FMNL2: variants seen among roughly 807,000 people sequenced by gnomAD.
FMNL2 encodes the protein formin-like protein 2.
In FMNL2, 51 loss-of-function variants were observed where a neutral mutation model predicts 130.2. That is an observed-to-expected ratio of 0.39 (90% confidence interval 0.31 to 0.49). The LOEUF (loss-of-function observed/expected upper bound fraction) is 0.49. Ranked by LOEUF, FMNL2 falls within the 20% of genes least tolerant of loss-of-function variation. FMNL2 has a pLI of 0.85. For missense variants in FMNL2, 977 were observed against 1,316.2 expected (o/e 0.74, Z 3.99); for synonymous variants, 465 against 467.1 (o/e 1.00, Z 0.06).
intron 9 of FMNL2, among the ~76,000 whole-genome samples, chr2:152,599,141 T>G (rs1490850776): frequency 2.0e-5 from 3 of 152,216 alleles, no homozygotes. Context: ...GAGAGGGACG[T>G]CTTCTTTACT....
At chr2:152,503,867 G>A (rs1021984155) in intron 1 of FMNL2, among the ~76,000 whole-genome samples, 3 of 152,152 alleles carry the variant, frequency 2.0e-5, no homozygotes, top group African/African-American at 7.2e-5. Flanking sequence ...CTTGCTTCAG[G>A]TGGGGGAACT....
intron 1 of FMNL2, among the ~76,000 whole-genome samples, chr2:152,388,378 G>A (rs968738478): frequency 1.3e-5 from 2 of 152,090 alleles, no homozygotes; most frequent in African/African-American, 4.8e-5. Context: ...TGGTGGAAGG[G>A]GAAGCAAACG....
At chr2:152,630,846 A>G (rs1262924411) in intron 20 of FMNL2, among the ~76,000 whole-genome samples, 1 of 152,166 alleles carries the variant, frequency 6.6e-6, no homozygotes, top group East Asian at 1.9e-4. Flanking sequence ...TACTTTGAAG[A>G]GCACTAAAAT....
intron 1 of FMNL2, among the ~76,000 whole-genome samples, chr2:152,426,504 A>G (rs1687211020): frequency 6.6e-6 from 1 of 152,224 alleles, no homozygotes; most frequent in Non-Finnish European, 1.5e-5. Flanking sequence ...GTTCTTGAAA[A>G]TTCATCTCAC....
intron 4 of FMNL2, among the ~76,000 whole-genome samples, chr2:152,556,060 T>G (rs1695186032): frequency 6.6e-6 from 1 of 152,226 alleles, no homozygotes; most frequent in Non-Finnish European, 1.5e-5. Context: ...CTGTAGAAGT[T>G]CACTTTCAAC....
At chr2:152,623,816 T>A (rs1241901302) in intron 15 of FMNL2, among the ~76,000 whole-genome samples, 2 of 151,862 alleles carry the variant, frequency 1.3e-5, no homozygotes, top group African/African-American at 4.8e-5. Flanking sequence ...TTTAAATGGA[T>A]TACCTTTTTT....
intron 15 of FMNL2, 150 bp downstream of exon 15, chr2:152,619,868 G>C (rs1699158745): frequency 1.4e-6 from 2 of 1,439,970 alleles, no homozygotes; most frequent in East Asian, 2.5e-5. Context: ...AGCCGATAGA[G>C]GGAACATCAT....
chr2:152,637,184 G>A (rs1408821596), intron 22 of FMNL2, among the ~76,000 whole-genome samples: 2 of 152,174 alleles, frequency 1.3e-5, no homozygotes, highest in Non-Finnish European at 2.9e-5. Flanking sequence ...GTGGAATTTA[G>A]GGTCAGAGTG....
At chr2:152,430,300 C>G (rs1021734381) in intron 1 of FMNL2, among the ~76,000 whole-genome samples, 14 of 152,172 alleles carry the variant, frequency 9.2e-5, no homozygotes, top group Non-Finnish European at 1.9e-4. Context: ...TTGTCTCTTC[C>G]TTGACAGACA....
At chr2:152,440,676 G>A (rs1234569588) in intron 1 of FMNL2, among the ~76,000 whole-genome samples, 3 of 152,216 alleles carry the variant, frequency 2.0e-5, no homozygotes, top group Non-Finnish European at 4.4e-5. Flanking sequence ...AGTTGTTACA[G>A]GTAGAGGCAT....
In FMNL2 at chr2:152,402,103, C is replaced by T. The variant is rs58592119; in HGVS notation, c.117+66383C>T. On this transcript the variant is annotated intron_variant, in intron 1 of 25. Transcript: ENST00000288670. Reference sequence around the variant, plus strand: ...ATTTTTAGTAGAGACAGGGTTTCACCATGTTAGCCAGGATGGTCTCGATCT... The same window carrying T: ...ATTTTTAGTAGAGACAGGGTTTCACTATGTTAGCCAGGATGGTCTCGATCT... Among the ~76,000 whole-genome samples the T allele has an allele frequency of 0.045, 6,791 of 151,882 alleles. 876 individuals carry two copies. In the East Asian group the frequency reaches 0.52, roughly 12 times the overall value.
chr2:152,421,573 GCCTCCCAAAAT>G (rs1425020370), intron 1 of FMNL2, among the ~76,000 whole-genome samples: 1 of 152,152 alleles, frequency 6.6e-6, no homozygotes, highest in Non-Finnish European at 1.5e-5. Flanking sequence ...TGTATATTCT[GCCTCCCAAAAT>G]CCTCCTCATG....
At chr2:152,494,797 A>T (rs1005895359) in intron 1 of FMNL2, among the ~76,000 whole-genome samples, 1 of 152,172 alleles carries the variant, frequency 6.6e-6, no homozygotes, top group African/African-American at 2.4e-5. Flanking sequence ...CTGGGTTATC[A>T]GCCTGTTTAG....
At chr2:152,367,582 A>G (rs1683632119) in intron 1 of FMNL2, among the ~76,000 whole-genome samples, 1 of 152,140 alleles carries the variant, frequency 6.6e-6, no homozygotes, top group South Asian at 2.1e-4. Flanking sequence ...AATTTGTAGA[A>G]CAGGTTGAAA....
intron 2 of FMNL2, among the ~76,000 whole-genome samples, chr2:152,523,208 A>C (rs1693198618): frequency 6.6e-6 from 1 of 152,224 alleles, no homozygotes; most frequent in South Asian, 2.1e-4. Context: ...GTGAGGACTT[A>C]TGGAGAAATT....
chr2:152,501,982 T>C (rs990141730), intron 1 of FMNL2, among the ~76,000 whole-genome samples: 5 of 152,264 alleles, frequency 3.3e-5, no homozygotes, highest in African/African-American at 1.2e-4. Flanking sequence ...TTCACTGTTA[T>C]GCCCTGTCAT....
At chr2:152,593,340 A>G (rs570935976) in intron 9 of FMNL2, among the ~76,000 whole-genome samples, 1 of 152,130 alleles carries the variant, frequency 6.6e-6, no homozygotes, top group South Asian at 2.1e-4. Context: ...AATACTTTAC[A>G]GTTTAGAAAA....
chr2:152,338,818 G>GACACACACAC (rs767062578), intron 1 of FMNL2, among the ~76,000 whole-genome samples: 1,244 of 60,378 alleles, frequency 0.021, 15 homozygotes, highest in African/African-American at 0.05. Flanking sequence ...TGGAAGGTGA[G>GACACACACAC]ATACACACAC....
chr2:152,588,855 T>G (rs1280021425), intron 9 of FMNL2, among the ~76,000 whole-genome samples: 1 of 151,960 alleles, frequency 6.6e-6, no homozygotes, highest in Non-Finnish European at 1.5e-5. Context: ...CTGTTTAGAT[T>G]GACTCTATTA....
Sources: gnomAD v4.1 joint callset for allele counts (sites outside exome capture counted in the v4.1 genomes callset) on GRCh38, gnomAD v4.1.1 for gene constraint, MANE v1.5 for transcripts, NCBI Gene and HGNC (gene_info 2026-07-23, HGNC 2026-07-21) for gene names.